LRGUK: variants seen among roughly 807,000 people sequenced by gnomAD.
LRGUK encodes leucine-rich repeat and guanylate kinase domain-containing protein.
In LRGUK, 65 loss-of-function variants were observed where a neutral mutation model predicts 76.0. That is an observed-to-expected ratio of 0.85 (90% CI 0.70 to 1.05). The LOEUF (loss-of-function observed/expected upper bound fraction) is 1.05, where lower values mean the gene tolerates loss of function less well. LRGUK is among the 50% of genes least tolerant of loss of function. The pLI is 0.00. For missense variants in LRGUK, 758 were observed against 732.8 expected (o/e 1.03, Z -0.40); for synonymous variants, 268 against 265.6 (o/e 1.01, Z -0.09).
chr7:134,142,923 T>G, intron 3 of LRGUK, 139 bp from the exon 4 acceptor site: 1 of 553,100 alleles, frequency 1.8e-6, no homozygotes, highest in South Asian at 2.6e-5. Context: ...TTTTATTCCT[T>G]TCACTCATAT....
Position 134,197,158 on chromosome 7 carries a change from T to A in LRGUK, c.1545+53T>A. Reference sequence around the variant, plus strand: ...GTGTGTGTAGTTTGTGTGAGTGTGGTGTGTGTGTATGTGTGTGTGTGTGTG... The same window carrying A: ...GTGTGTGTAGTTTGTGTGAGTGTGGAGTGTGTGTATGTGTGTGTGTGTGTG... On this transcript the variant is annotated intron_variant, in intron 13 of 15. Coordinates refer to ENST00000645682, the Ensembl canonical transcript of LRGUK. The A allele has an allele frequency of 3.3e-6, 3 of 897,174 alleles. No homozygotes were observed. The South Asian group carries it at 4.2e-5, about 12-fold the overall frequency. The allele number at this position is 897,174 out of a possible 1,614,324, so 55.6% of individuals were successfully genotyped here.
At chr7:134,139,473 A>G (rs1454889027) in exon 3 of LRGUK, 1 of 1,610,830 alleles carries the variant, frequency 6.2e-7, no homozygotes, top group East Asian at 2.2e-5. Context: ...CTCTGTGGAT[A>G]TGTTCATCTA....
intron 3 of LRGUK, among the ~76,000 whole-genome samples, chr7:134,139,807 A>G (rs921453254): frequency 6.6e-6 from 1 of 152,104 alleles, no homozygotes; most frequent in African/African-American, 2.4e-5. Flanking sequence ...TACTTCTTCA[A>G]TACTCCCTGA....
chr7:134,178,522 A>G (rs2116999538), exon 10 of LRGUK: 1 of 1,612,142 alleles, frequency 6.2e-7, no homozygotes, highest in Non-Finnish European at 8.5e-7. Flanking sequence ...GTGAATAAAT[A>G]TGATCCTCCC....
At chr7:134,141,129 G>A (rs1015556208) in intron 3 of LRGUK, among the ~76,000 whole-genome samples, 2 of 152,166 alleles carry the variant, frequency 1.3e-5, no homozygotes, top group Non-Finnish European at 1.5e-5. Flanking sequence ...TCTTCAGCCC[G>A]ATCAGTCCTC....
chr7:134,135,251 C>T (rs551761761), intron 1 of LRGUK, among the ~76,000 whole-genome samples: 45 of 152,168 alleles, frequency 3.0e-4, no homozygotes, highest in Admixed American at 7.8e-4. Flanking sequence ...AAAACAGATG[C>T]GGGGTATGAG....
intron 16 of LRGUK, among the ~76,000 whole-genome samples, chr7:134,224,317 T>G (rs1801678802): frequency 6.6e-6 from 1 of 152,236 alleles, no homozygotes; most frequent in Non-Finnish European, 1.5e-5. Context: ...GGATTCACAC[T>G]GATAGGCAGA....
chr7:134,132,031 T>C (rs1325863421), intron 1 of LRGUK, among the ~76,000 whole-genome samples: 2 of 152,086 alleles, frequency 1.3e-5, no homozygotes, highest in Non-Finnish European at 2.9e-5. Context: ...AGAAGACCTA[T>C]ATGATAGGGA....
At chr7:134,154,195 G>A (rs1798362030) in intron 5 of LRGUK, among the ~76,000 whole-genome samples, 1 of 152,168 alleles carries the variant, frequency 6.6e-6, no homozygotes, top group Non-Finnish European at 1.5e-5. Flanking sequence ...TCTTTCTCCT[G>A]ATACTGGTCT....
At chr7:134,128,201 A>G (rs966070549) in intron 1 of LRGUK, among the ~76,000 whole-genome samples, 3 of 152,144 alleles carry the variant, frequency 2.0e-5, no homozygotes, top group Non-Finnish European at 4.4e-5. Flanking sequence ...TCGGGGGCAT[A>G]TGCCTTATAC....
intron 4 of LRGUK, 120 bp from the exon 5 acceptor site, chr7:134,148,118 C>G (rs1798056892): frequency 1.8e-6 from 1 of 564,102 alleles, no homozygotes; most frequent in Non-Finnish European, 3.1e-6. Context: ...TTAGTGTGTA[C>G]TTTCAGTAAT....
In LRGUK at chr7:134,248,939, T is replaced by C. The variant is rs762342350; in HGVS notation, c.2073-12T>C. On this transcript the variant is annotated splice_polypyrimidine_tract_variant and intron_variant, in intron 17 of 19. Coordinates refer to the LRGUK transcript ENST00000285928. ...CTTTGGTTTTTTTTTTTTTTTAAAT[T>C]TCCCATTCCAGGGGTCCAGTACCAG... 10 of 1,451,928 alleles carry C rather than the reference T, an allele frequency of 6.9e-6. No homozygotes were observed. 89.9% of individuals were successfully genotyped at this position (1,451,928 alleles called of 1,614,324 possible).
At chr7:134,142,336 G>A (rs983741036) in intron 3 of LRGUK, among the ~76,000 whole-genome samples, 11 of 152,152 alleles carry the variant, frequency 7.2e-5, no homozygotes, top group African/African-American at 2.7e-4. Flanking sequence ...CTCTGTGTCT[G>A]CTGTAAAGTC....
At chr7:134,135,944 C>A (rs984295231) in intron 1 of LRGUK, among the ~76,000 whole-genome samples, 1 of 152,246 alleles carries the variant, frequency 6.6e-6, no homozygotes, top group Non-Finnish European at 1.5e-5. Context: ...GCGTGAGCCA[C>A]CGCGCCCGGC....
At chr7:134,275,315 T>C in the LRGUK span, among the ~76,000 whole-genome samples, 2 of 152,140 alleles carry the variant, frequency 1.3e-5, no homozygotes, top group Non-Finnish European at 2.9e-5. Flanking sequence ...TTACTACCAA[T>C]TGTTTTATAT....
chr7:134,182,037 A>G (rs1407061771), intron 10 of LRGUK, among the ~76,000 whole-genome samples: 3 of 152,106 alleles, frequency 2.0e-5, no homozygotes, highest in Admixed American at 6.5e-5. Flanking sequence ...GAAACCACTA[A>G]TCTGTCCCTG....
At chr7:134,150,972 A>C (rs1798200410) in intron 5 of LRGUK, among the ~76,000 whole-genome samples, 1 of 152,194 alleles carries the variant, frequency 6.6e-6, no homozygotes, top group Non-Finnish European at 1.5e-5. Flanking sequence ...CTGTGTTTTA[A>C]AAAATTCAAA....
intron 6 of LRGUK, among the ~76,000 whole-genome samples, chr7:134,161,271 T>C (rs949248559): frequency 6.6e-6 from 1 of 152,176 alleles, no homozygotes; most frequent in Non-Finnish European, 1.5e-5. Context: ...GGGGTCTTAT[T>C]GCAGTATGTT....
intron 1 of LRGUK, among the ~76,000 whole-genome samples, chr7:134,129,291 GTCTC>G (rs533244714): frequency 3.0e-4 from 28 of 93,834 alleles, no homozygotes; most frequent in African/African-American, 6.0e-4. Flanking sequence ...CCTCCACTCT[GTCTC>G]TCTTTCTTTC....
Sources: gnomAD v4.1 joint callset for allele counts (sites outside exome capture counted in the v4.1 genomes callset) on GRCh38, gnomAD v4.1.1 for gene constraint, MANE v1.5 for transcripts, NCBI Gene and HGNC (gene_info 2026-07-23, HGNC 2026-07-21) for gene names.